Variants in TTC21B observed in about 807,000 individuals in gnomAD.
The protein encoded by TTC21B is tetratricopeptide repeat domain 21B, also known as tetratricopeptide repeat protein 21B.
In TTC21B, 127 loss-of-function variants were observed where a neutral mutation model predicts 175.1. The ratio of observed to expected loss-of-function variants is 0.73; its 90% confidence interval spans 0.63 to 0.84. TTC21B has a LOEUF of 0.84. TTC21B is among the 40% of genes least tolerant of loss of function. The probability of loss-of-function intolerance (pLI) is 0.00; values close to 1 mark genes in which losing one functional copy is unlikely to be tolerated. For synonymous variants in TTC21B, 524 were observed against 524.5 expected, an observed-to-expected ratio of 1.00 and a Z score of 0.01; for missense variants, 1,561 against 1,558.3, an observed-to-expected ratio of 1.00 and a Z score of -0.03.
At chr2:165,924,934 G>A (rs1339438091) in intron 11 of TTC21B, among the ~76,000 whole-genome samples, 1 of 147,666 alleles carries the variant, frequency 6.8e-6, no homozygotes, top group African/African-American at 2.4e-5. Flanking sequence ...AATTCTAAAT[G>A]GATAACATAT....
At chr2:165,931,039 C>T (rs924066160) in intron 8 of TTC21B, among the ~76,000 whole-genome samples, 4 of 151,848 alleles carry the variant, frequency 2.6e-5, no homozygotes, top group Non-Finnish European at 5.9e-5. Flanking sequence ...TCTAGCACTA[C>T]GGTAAGCAAA....
intron 22 of TTC21B, among the ~76,000 whole-genome samples, chr2:165,893,383 C>G (rs1685259047): frequency 6.6e-6 from 1 of 151,980 alleles, no homozygotes; most frequent in African/African-American, 2.4e-5. Flanking sequence ...TTGCATGATA[C>G]TGCTAGTATT....
In TTC21B at chr2:165,919,307, G is replaced by T. The variant is rs777801181; in HGVS notation, c.1643C>A (p.Ser548Tyr). 3 of 1,614,062 alleles carry T rather than the reference G, an allele frequency of 1.9e-6. No homozygotes were observed. The highest frequency in any genetic ancestry group is 2.5e-6 in the Non-Finnish European group (3 of 1,179,972). Reference sequence around the variant, plus strand: ...ATCATAGCTCAGACAAAGTTCAAGAGACTGAGAACACAATTTGACTTTTTC... The same window carrying T: ...ATCATAGCTCAGACAAAGTTCAAGATACTGAGAACACAATTTGACTTTTTC... ...SQEKVKLCSQ[S>Y]LELCLSYDFK... is the part of the protein sequence containing the mutation. Residue 548 changes from serine to tyrosine, a missense_variant, in exon 13 of 29, where the codon TCT becomes TAT. Ser to Tyr is a moderately radical substitution (Grantham distance 144, BLOSUM62 -2). Coordinates refer to ENST00000243344, the MANE Select transcript of TTC21B (RefSeq NM_024753.5).
chr2:165,922,307 T>C (rs1368703607), intron 12 of TTC21B, among the ~76,000 whole-genome samples: 2 of 152,036 alleles, frequency 1.3e-5, no homozygotes, highest in East Asian at 3.9e-4. Context: ...TCTGACATCA[T>C]CTAAATTTTT....
chr2:165,900,904 C>CTTTT (rs34392684), intron 20 of TTC21B, among the ~76,000 whole-genome samples: 1 of 135,738 alleles, frequency 7.4e-6, no homozygotes, highest in Non-Finnish European at 1.6e-5. Flanking sequence ...TTTTTCTTTT[C>CTTTT]TTTTTTTTTT....
chr2:165,950,000 C>T (rs1427505716), intron 1 of TTC21B: 1 of 240,934 alleles, frequency 4.2e-6, no homozygotes, highest in Non-Finnish European at 8.0e-6. Context: ...AGGCTGCTTT[C>T]ACCTTTTTTC....
At chr2:165,930,451 A>T (rs1306248268) in intron 8 of TTC21B, 87 bp from the exon 9 acceptor site, 8 of 1,030,796 alleles carry the variant, frequency 7.8e-6, no homozygotes, top group Non-Finnish European at 1.1e-5. Context: ...TATATATATT[A>T]TTTGTACTTC....
chr2:165,899,378 T>C (rs760096004), intron 21 of TTC21B, among the ~76,000 whole-genome samples: 15 of 152,170 alleles, frequency 9.9e-5, no homozygotes, highest in African/African-American at 2.4e-4. Context: ...AGACTGATAA[T>C]ATGAAGTTGT....
At position 165,890,517 on chromosome 2, in the gene TTC21B, A is replaced by AACAGTTTC. The variant is rs1685151267; in HGVS notation, c.3217_3224dup (p.Gly1076LysfsTer29). 3 of 1,613,650 alleles carry AACAGTTTC rather than the reference A, an allele frequency of 1.9e-6. No homozygotes were observed. The East Asian group carries it at 6.7e-5, about 36-fold the overall frequency. Reference sequence around the variant, plus strand: ...CCAGGTTTTCAAATACTTCACCTCCAACAGTTTCATTATCTGGATTCAAAC... The same window carrying AACAGTTTC: ...CCAGGTTTTCAAATACTTCACCTCCAACAGTTTCACAGTTTCATTATCTGGATTCAAAC... On this transcript the variant is annotated frameshift_variant, in exon 24 of 29. Coordinates refer to ENST00000243344, the MANE Select transcript of TTC21B (RefSeq NM_024753.5). LOFTEE classifies it high-confidence loss of function.
intron 3 of TTC21B, among the ~76,000 whole-genome samples, chr2:165,946,489 G>C (rs1224554354): frequency 6.6e-6 from 1 of 152,072 alleles, no homozygotes; most frequent in Non-Finnish European, 1.5e-5. Flanking sequence ...AGTTTAAAAA[G>C]TAAATTAATT....
chr2:165,913,436 T>C (rs193185853), intron 16 of TTC21B, 138 bp downstream of exon 16: 76 of 630,256 alleles, frequency 1.2e-4, no homozygotes, highest in Admixed American at 2.4e-4. Context: ...TCCTTTAAAA[T>C]GGATATCTCC....
chr2:165,895,561 T>C (rs868311571), intron 22 of TTC21B, among the ~76,000 whole-genome samples: 1 of 152,144 alleles, frequency 6.6e-6, no homozygotes, highest in Non-Finnish European at 1.5e-5. Flanking sequence ...CAGCTTGAGA[T>C]AGAATGAATA....
At chr2:165,917,043 A>AT (rs1240492877) in intron 14 of TTC21B, among the ~76,000 whole-genome samples, 16 of 151,662 alleles carry the variant, frequency 1.1e-4, no homozygotes, top group Non-Finnish European at 1.8e-4. Flanking sequence ...CATCCAGCTC[A>AT]TTTTTTTGTA....
chr2:165,890,528 T>C lies in TTC21B; in HGVS notation c.3214A>G (p.Asn1072Asp), dbSNP rs1685151876. 1.9e-6 allele frequency: 3 copies of C among 1,613,646 alleles called. No homozygotes were observed. Among genetic ancestry groups the C allele is most frequent in the Non-Finnish European group, 2.5e-6 (3 of 1,179,718 alleles). Residue 1072 changes from asparagine (N) to aspartate (D), a missense_variant, in exon 24 of 29, where the codon AAT becomes GAT. Physicochemically the swap from Asn to Asp is conservative, Grantham distance 23. Coordinates refer to ENST00000243344, the MANE Select transcript of TTC21B (RefSeq NM_024753.5). Reference sequence around the variant, plus strand: ...AATACTTCACCTCCAACAGTTTCATTATCTGGATTCAAACAGATCTCTATC... The same window carrying C: ...AATACTTCACCTCCAACAGTTTCATCATCTGGATTCAAACAGATCTCTATC... The part of the protein sequence containing the change: ...NMIEICLNPD[N>D]ETVGGEVFEN...
At chr2:165,922,353 A>G (rs962962901) in intron 12 of TTC21B, among the ~76,000 whole-genome samples, 1 of 151,938 alleles carries the variant, frequency 6.6e-6, no homozygotes, top group African/African-American at 2.4e-5. Flanking sequence ...AATTTCCACA[A>G]TCTATAGGGA....
At chr2:165,934,165 T>G (rs553536826) in intron 6 of TTC21B, 23 of 152,312 alleles carry the variant, frequency 1.5e-4, no homozygotes, top group Admixed American at 7.8e-4. Flanking sequence ...AATGGTCATT[T>G]TTGGGAAAGA....
chr2:165,952,697 G>A (rs950206104), intron 1 of TTC21B, among the ~76,000 whole-genome samples: 11 of 152,198 alleles, frequency 7.2e-5, no homozygotes, highest in Admixed American at 4.6e-4. Flanking sequence ...AGAGGATAAT[G>A]TAAAACTTCA....
At position 165,930,273 on chromosome 2, in the gene TTC21B, T is replaced by A. The variant is rs746459698; in HGVS notation, c.986A>T (p.Glu329Val). 2 of 1,613,322 alleles carry A rather than the reference T, an allele frequency of 1.2e-6. No individual in the cohort carries two copies. Among genetic ancestry groups the A allele is most frequent in the South Asian group, 2.2e-5 (2 of 91,028 alleles). ...TTGTAAAATCATTTGGTATCCAAGTTCTGTAGCAAATTCTGATTGCTGAGG... is the reference window on the plus strand; with the variant it reads ...TTGTAAAATCATTTGGTATCCAAGTACTGTAGCAAATTCTGATTGCTGAGG... Reference protein sequence around the residue: ...LNPQQSEFATELGYQMILQGR... With the variant: ...LNPQQSEFATVLGYQMILQGR... The change falls in exon 9 of 29, where the codon GAA becomes GTA. Residue 329 changes from glutamate to valine, a missense_variant. Glu to Val is a moderately radical substitution (Grantham distance 121, BLOSUM62 -2). Transcript: ENST00000243344.
At chr2:165,930,464 AG>A in intron 8 of TTC21B, 100 bp from the exon 9 acceptor site, 1 of 802,448 alleles carries the variant, frequency 1.2e-6, no homozygotes, top group Non-Finnish European at 1.8e-6. Flanking sequence ...TGTACTTCAA[AG>A]GAGTGATGAA....
Sources: allele counts gnomAD v4.1 joint callset (sites outside exome capture counted in the v4.1 genomes callset), GRCh38; gene constraint gnomAD v4.1.1; transcripts MANE v1.5; gene names NCBI Gene and HGNC (gene_info 2026-07-23, HGNC 2026-07-21).